FHAD1: variants seen among roughly 807,000 people sequenced by gnomAD.
FHAD1 encodes forkhead associated phosphopeptide binding domain 1.
In FHAD1, 146 loss-of-function variants were observed where a neutral mutation model predicts 191.3. The observed-to-expected ratio is 0.76, with a 90% CI of 0.67 to 0.88. FHAD1 has a LOEUF of 0.88. Ranked by LOEUF, FHAD1 falls within the 40% of genes least tolerant of loss-of-function variation. The pLI is 0.00. For synonymous variants in FHAD1, 616 were observed against 672.3 expected, an observed-to-expected ratio of 0.92 and a Z score of 1.29; for missense variants, 1,635 against 1,785.8, an observed-to-expected ratio of 0.92 and a Z score of 1.52.
chr1:15,237,630 C>G (rs1644922611), intron 1 of FHAD1, among the ~76,000 whole-genome samples: 1 of 152,124 alleles, frequency 6.6e-6, no homozygotes. Flanking sequence ...GACAACGATT[C>G]AAATTCAGAG....
chr1:15,380,480 G>A (rs573390133), intron 28 of FHAD1, among the ~76,000 whole-genome samples: 1 of 152,338 alleles, frequency 6.6e-6, no homozygotes, highest in African/African-American at 2.4e-5. Flanking sequence ...GACAAGTGAT[G>A]TATAATTACA....
intron 14 of FHAD1, among the ~76,000 whole-genome samples, chr1:15,331,001 C>T (rs930253672): frequency 2.0e-5 from 3 of 152,010 alleles, no homozygotes; most frequent in Non-Finnish European, 4.4e-5. Flanking sequence ...AAAGAAGATT[C>T]AGGGGCGAGT....
chr1:15,307,099 C>G (rs1478616245), intron 6 of FHAD1, among the ~76,000 whole-genome samples: 1 of 152,216 alleles, frequency 6.6e-6, no homozygotes, highest in Non-Finnish European at 1.5e-5. Context: ...GGGAACCTAC[C>G]TCTTGCATCA....
intron 19 of FHAD1, among the ~76,000 whole-genome samples, chr1:15,350,129 A>G (rs1274827392): frequency 6.6e-6 from 1 of 152,102 alleles, no homozygotes; most frequent in Non-Finnish European, 1.5e-5. Flanking sequence ...ATAAATATTC[A>G]TTTATCCACC....
chr1:15,249,433 A>T (rs1370167316), intron 1 of FHAD1, among the ~76,000 whole-genome samples: 3 of 152,202 alleles, frequency 2.0e-5, no homozygotes, highest in African/African-American at 4.8e-5. Context: ...TTGATGATGT[A>T]GTCCTCTGCA....
chr1:15,323,611 A>G (rs1574336566), intron 10 of FHAD1, among the ~76,000 whole-genome samples: 2 of 152,154 alleles, frequency 1.3e-5, no homozygotes, highest in East Asian at 3.9e-4. Context: ...CCTCTCATCT[A>G]GGAGAGTTTG....
intron 16 of FHAD1, among the ~76,000 whole-genome samples, chr1:15,342,174 C>T (rs1411116702): frequency 2.0e-5 from 3 of 152,166 alleles, no homozygotes; most frequent in Non-Finnish European, 4.4e-5. Flanking sequence ...TCTGAGTCAT[C>T]GCTGCAGGTC....
At chr1:15,361,615 C>G (rs1694840346) in intron 22 of FHAD1, among the ~76,000 whole-genome samples, 1 of 152,064 alleles carries the variant, frequency 6.6e-6, no homozygotes, top group Admixed American at 6.5e-5. Context: ...AAATTATTGC[C>G]CTGACAGGTG....
chr1:15,245,365 G>C (rs1645888150), upstream of FHAD1, among the ~76,000 whole-genome samples: 1 of 151,992 alleles, frequency 6.6e-6, no homozygotes, highest in Non-Finnish European at 1.5e-5. Context: ...TGCTTTTGCT[G>C]TTCTTATTGT....
intron 2 of FHAD1, among the ~76,000 whole-genome samples, chr1:15,271,121 A>AGAGC (rs1307713429): frequency 7.5e-6 from 1 of 133,900 alleles, no homozygotes; most frequent in Non-Finnish European, 1.5e-5. Flanking sequence ...CCTGGGCAAC[A>AGAGC]GAGCGAGACT....
intron 33 of FHAD1, 41 bp from the exon 34 acceptor site, chr1:15,397,256 C>A: frequency 2.1e-6 from 2 of 943,480 alleles, no homozygotes; most frequent in East Asian, 2.7e-5. Context: ...TGGAGTCTTG[C>A]TGCAATGGAG....
chr1:15,360,258 C>T (rs921489878), intron 21 of FHAD1, among the ~76,000 whole-genome samples: 3 of 152,208 alleles, frequency 2.0e-5, no homozygotes, highest in South Asian at 2.1e-4. Context: ...TCAGGGAGGG[C>T]CTCTCAGAGG....
intron 2 of FHAD1, among the ~76,000 whole-genome samples, chr1:15,256,836 A>G (rs962698810): frequency 6.6e-6 from 1 of 152,122 alleles, no homozygotes; most frequent in East Asian, 1.9e-4. Flanking sequence ...CAGAAACTGC[A>G]GGGGGATGCA....
At chr1:15,366,049 A>T in intron 24 of FHAD1, 116 bp downstream of exon 24, 2 of 651,180 alleles carry the variant, frequency 3.1e-6, no homozygotes, top group Non-Finnish European at 5.2e-6. Context: ...GCACTTTGGG[A>T]GGCCAAGGCA....
At position 15,360,832 on chromosome 1, in the gene FHAD1, C is replaced by T. The variant is rs114700740; in HGVS notation, c.2962+129C>T. ...TCGAAAGCTCATTCATTCTCTGAGG[C>T]CCCCTTTTGTTCTTGTTACACAACG... On this transcript the variant is annotated intron_variant, in intron 22 of 33. Coordinates refer to ENST00000688493, the MANE Select transcript of FHAD1 (RefSeq NM_001391957.1). 1.2e-3 allele frequency: 920 copies of T among 760,268 alleles called. 6 individuals are homozygous for T. In the African/African-American group the frequency reaches 0.015, roughly 12 times the overall value. The allele number at this position is 760,268 out of a possible 1,614,324, so 47.1% of individuals were successfully genotyped here. A position where few individuals can be genotyped will look rare whatever the true frequency, so the allele number is the denominator to read the frequency against.
chr1:15,365,481 A>ATTTTTTTTTTTTTTTTTTTT (rs71587751), intron 23 of FHAD1, among the ~76,000 whole-genome samples: 14 of 112,756 alleles, frequency 1.2e-4, no homozygotes, highest in African/African-American at 3.0e-4. Context: ...TGCCTGGCTA[A>ATTTTTTTTTTTTTTTTTTTT]TTTTTTTTTT....
chr1:15,324,649 A>G (rs1325351215), intron 11 of FHAD1, 90 bp downstream of exon 11: 14 of 890,288 alleles, frequency 1.6e-5, no homozygotes, highest in Non-Finnish European at 2.4e-5. Context: ...GAGGACGCCC[A>G]AGGTAGAAAG....
chr1:15,395,193 T>A (rs1705516884), intron 33 of FHAD1, among the ~76,000 whole-genome samples: 2 of 151,510 alleles, frequency 1.3e-5, no homozygotes, highest in Admixed American at 6.6e-5. Flanking sequence ...GGGCACCTGT[T>A]GTCCCAGGTA....
chr1:15,288,868 A>G (rs532112138), intron 3 of FHAD1, among the ~76,000 whole-genome samples: 1 of 152,286 alleles, frequency 6.6e-6, no homozygotes, highest in East Asian at 1.9e-4. Flanking sequence ...TGCCTGGGTA[A>G]AGCATGCACT....
Sources: gnomAD v4.1 joint callset for allele counts (sites outside exome capture counted in the v4.1 genomes callset) on GRCh38, gnomAD v4.1.1 for gene constraint, MANE v1.5 for transcripts, NCBI Gene and HGNC (gene_info 2026-07-23, HGNC 2026-07-21) for gene names.